Variants in ANKRD30A observed in about 807,000 individuals in gnomAD.
ANKRD30A encodes ankyrin repeat domain-containing protein 30A.
In ANKRD30A, 170 loss-of-function variants were observed where a neutral mutation model predicts 166.3. The observed-to-expected ratio is 1.02, with a 90% CI of 0.90 to 1.16. ANKRD30A has a LOEUF of 1.16. ANKRD30A is among the 50% of genes most tolerant of loss of function. The probability of loss-of-function intolerance (pLI) is 0.00; values close to 1 mark genes in which losing one functional copy is unlikely to be tolerated. For synonymous variants in ANKRD30A, 564 were observed against 508.9 expected (o/e 1.11, Z -1.46); for missense variants, 1,630 against 1,518.0 (o/e 1.07, Z -1.23).
intron 18 of ANKRD30A, among the ~76,000 whole-genome samples, chr10:37,166,223 C>T (rs1226759296): frequency 6.6e-6 from 1 of 152,098 alleles, no homozygotes; most frequent in African/African-American, 2.4e-5. Context: ...CTGTATGTGT[C>T]CAGGCAAGTA....
intron 31 of ANKRD30A, among the ~76,000 whole-genome samples, chr10:37,210,735 TC>T (rs1185854400): frequency 6.6e-6 from 1 of 152,222 alleles, no homozygotes; most frequent in Non-Finnish European, 1.5e-5. Flanking sequence ...GAGCTTTTTT[TC>T]ATATGTTTGT....
chr10:37,253,872 G>A, the ANKRD30A span, among the ~76,000 whole-genome samples: 2 of 151,952 alleles, frequency 1.3e-5, no homozygotes, highest in Non-Finnish European at 2.9e-5. Context: ...GGATGGTCTC[G>A]ATCTCCTGAC....
the ANKRD30A span, among the ~76,000 whole-genome samples, chr10:37,240,575 A>G: frequency 2.6e-5 from 4 of 152,218 alleles, no homozygotes; most frequent in East Asian, 7.7e-4. Flanking sequence ...CTTACCACTT[A>G]CTAGTACTCC....
At chr10:37,167,713 G>A (rs1421343388) in intron 19 of ANKRD30A, among the ~76,000 whole-genome samples, 1 of 151,616 alleles carries the variant, frequency 6.6e-6, no homozygotes, top group African/African-American at 2.4e-5. Flanking sequence ...AAAAATGTTG[G>A]CATACTATTC....
chr10:37,253,401 A>T, the ANKRD30A span, among the ~76,000 whole-genome samples: 1 of 152,334 alleles, frequency 6.6e-6, no homozygotes. Flanking sequence ...TTTTTTAAAC[A>T]TATTCATAGA....
rs1843059240 is a variant in ANKRD30A at position 37,224,662 on chromosome 10, C to G, written c.4185+4765C>G. Among the ~76,000 whole-genome samples, 2 of 151,426 alleles carry G rather than the reference C, an allele frequency of 1.3e-5. 1 individual carries two copies. Among genetic ancestry groups the G allele is most frequent in the South Asian group, 4.2e-4 (2 of 4,816 alleles). On this transcript the variant is annotated intron_variant, in intron 34 of 35. Coordinates refer to ENST00000361713, the MANE Select transcript of ANKRD30A (RefSeq NM_052997.3). Reference sequence around the variant, plus strand: ...TTTGCTGAGAACTTTAATTTGTTCTCTGATTCCAATTAATATTTTTCTCTC... The same window carrying G: ...TTTGCTGAGAACTTTAATTTGTTCTGTGATTCCAATTAATATTTTTCTCTC...
chr10:37,130,259 G>T lies in ANKRD30A; in HGVS notation c.391G>T (p.Asp131Tyr). The change falls in exon 3 of 36, where the codon GAT (aspartate) becomes TAT (tyrosine). Residue 131 changes from aspartate (D) to tyrosine (Y), a missense_variant. By Grantham distance (160) the Asp-to-Tyr change is radical. Coordinates refer to ENST00000361713, the MANE Select transcript of ANKRD30A (RefSeq NM_052997.3). ...CANILIDSGADINLVDVYGNT... is the reference protein window; with the variant it reads ...CANILIDSGAYINLVDVYGNT... The stretch of plus-strand genomic sequence containing the variant: ...AAATATTCTGATAGATTCTGGTGCC[G>T]ATATAAATCTCGTAGATGTGTATGG... 1 of 1,603,070 alleles carries T rather than the reference G, an allele frequency of 6.2e-7. No individual in the cohort carries two copies. The highest frequency in any genetic ancestry group is 1.1e-5 in the South Asian group (1 of 90,020).
intron 19 of ANKRD30A, among the ~76,000 whole-genome samples, chr10:37,168,090 T>C (rs1225593970): frequency 7.1e-5 from 1 of 14,104 alleles, no homozygotes; most frequent in Non-Finnish European, 1.4e-4. Flanking sequence ...AAATCATATA[T>C]AAATGGTTGT....
chr10:37,235,686 T>A (rs1481803835), downstream of ANKRD30A, among the ~76,000 whole-genome samples: 2 of 152,082 alleles, frequency 1.3e-5, no homozygotes, highest in Admixed American at 1.3e-4. Flanking sequence ...GTCACTAAGT[T>A]ATTGTTGTGT....
the ANKRD30A span, among the ~76,000 whole-genome samples, chr10:37,249,177 C>T: frequency 1.9e-4 from 29 of 152,180 alleles, no homozygotes; most frequent in Non-Finnish European, 3.8e-4. Flanking sequence ...CCCTTCACAG[C>T]TGCTTTCTTC....
intron 25 of ANKRD30A, among the ~76,000 whole-genome samples, chr10:37,191,246 G>T (rs1168081916): frequency 6.6e-6 from 1 of 151,550 alleles, no homozygotes; most frequent in Non-Finnish European, 1.5e-5. Flanking sequence ...AAAAATGTTG[G>T]CATACTATTC....
chr10:37,167,168 AG>A (rs1020552796), intron 19 of ANKRD30A, among the ~76,000 whole-genome samples: 8 of 151,626 alleles, frequency 5.3e-5, no homozygotes, highest in Admixed American at 3.3e-4. Flanking sequence ...CATTTAGAAA[AG>A]TTTTACTGCA....
chr10:37,199,678 A>G (rs758902599), intron 29 of ANKRD30A, 49 bp from the exon 30 acceptor site: 10 of 1,217,228 alleles, frequency 8.2e-6, no homozygotes, highest in African/African-American at 3.0e-5. Flanking sequence ...TTTAAAATGT[A>G]TAGTAGAGAA....
chr10:37,216,616 A>G (rs1842620408), intron 32 of ANKRD30A, among the ~76,000 whole-genome samples: 1 of 151,254 alleles, frequency 6.6e-6, no homozygotes. Flanking sequence ...ATGGCTATAT[A>G]GAAGGCCATT....
In ANKRD30A at chr10:37,227,631, A is replaced by G. The variant is rs181812590; in HGVS notation, c.4186-3830A>G. On this transcript the variant is annotated intron_variant, in intron 34 of 35. Coordinates refer to ENST00000361713, the MANE Select transcript of ANKRD30A (RefSeq NM_052997.3). ...TACTTTTTGTTTCTTGAAAGAGCCC[A>G]TGGCCAGCTTATGCACTGCTGACTC... Among the ~76,000 whole-genome samples the G allele has an allele frequency of 3.8e-3, 574 of 152,078 alleles. 2 individuals carry two copies. Among genetic ancestry groups the G allele is most frequent in the Middle Eastern group, 6.8e-3 (2 of 294 alleles).
intron 34 of ANKRD30A, among the ~76,000 whole-genome samples, chr10:37,221,059 T>TC (rs1315981666): frequency 6.7e-6 from 1 of 150,182 alleles, no homozygotes; most frequent in Non-Finnish European, 1.5e-5. Context: ...TTTTTTTTTT[T>TC]TTTGAGACTT....
At chr10:37,243,889 C>G in the ANKRD30A span, among the ~76,000 whole-genome samples, 1 of 151,118 alleles carries the variant, frequency 6.6e-6, no homozygotes, top group East Asian at 2.0e-4. Flanking sequence ...TGGTGGGTTC[C>G]ATCAAGCAAT....
At chr10:37,135,831 TA>T (rs1196769997) in intron 5 of ANKRD30A, among the ~76,000 whole-genome samples, 1 of 152,202 alleles carries the variant, frequency 6.6e-6, no homozygotes, top group East Asian at 1.9e-4. Flanking sequence ...TTACAAATTA[TA>T]AAATAGCTTA....
At chr10:37,139,816 A>T (rs369758737) in intron 6 of ANKRD30A, among the ~76,000 whole-genome samples, 1 of 152,136 alleles carries the variant, frequency 6.6e-6, no homozygotes, top group East Asian at 1.9e-4. Flanking sequence ...TTTACAATAA[A>T]TGGTTTGCAT....
Sources: allele counts gnomAD v4.1 joint callset (sites outside exome capture counted in the v4.1 genomes callset), GRCh38; gene constraint gnomAD v4.1.1; transcripts MANE v1.5; gene names NCBI Gene and HGNC (gene_info 2026-07-23, HGNC 2026-07-21).